The following CCDC85A variants were observed in gnomAD, a reference collection of about 807,000 sequenced individuals.
The protein encoded by CCDC85A is coiled-coil domain containing 85A.
In CCDC85A, 38 loss-of-function variants were observed where a neutral mutation model predicts 50.2. The observed-to-expected ratio is 0.76, with a 90% CI of 0.58 to 0.99. The LOEUF is 0.99. Ranked by LOEUF, CCDC85A falls within the 50% of genes least tolerant of loss-of-function variation. The pLI, the probability that CCDC85A is intolerant of heterozygous loss-of-function variation, is 0.00. For synonymous variants in CCDC85A, 366 were observed against 301.4 expected (o/e 1.21, Z -2.22); for missense variants, 820 against 742.0 (o/e 1.11, Z -1.22).
At chr2:56,250,168 A>C (rs1205482560) in intron 2 of CCDC85A, among the ~76,000 whole-genome samples, 1 of 152,190 alleles carries the variant, frequency 6.6e-6, no homozygotes, top group Non-Finnish European at 1.5e-5. Context: ...AGCATTTGAA[A>C]ACAAATGTTA....
chr2:56,274,541 C>A (rs1670842187), intron 2 of CCDC85A, among the ~76,000 whole-genome samples: 1 of 152,178 alleles, frequency 6.6e-6, no homozygotes, highest in Non-Finnish European at 1.5e-5. Flanking sequence ...GGGCTTTCAA[C>A]CGATTGGATA....
At chr2:56,268,413 CTGAAA>C (rs1670546360) in intron 2 of CCDC85A, among the ~76,000 whole-genome samples, 1 of 151,906 alleles carries the variant, frequency 6.6e-6, no homozygotes, top group African/African-American at 2.4e-5. Flanking sequence ...GCTAACACGG[CTGAAA>C]CCCTGTCTCT....
At chr2:56,262,825 A>C (rs1670277130) in intron 2 of CCDC85A, among the ~76,000 whole-genome samples, 1 of 152,250 alleles carries the variant, frequency 6.6e-6, no homozygotes, top group Non-Finnish European at 1.5e-5. Context: ...GTTCACATAT[A>C]GAAAATACAA....
At chr2:56,295,142 A>T (rs1573196946) in intron 2 of CCDC85A, among the ~76,000 whole-genome samples, 1 of 149,290 alleles carries the variant, frequency 6.7e-6, no homozygotes, top group Non-Finnish European at 1.5e-5. Flanking sequence ...ATTTTTTTTT[A>T]ATTTTAATGA....
chr2:56,322,350 A>G (rs975466752), intron 2 of CCDC85A, among the ~76,000 whole-genome samples: 13 of 152,232 alleles, frequency 8.5e-5, no homozygotes, highest in Admixed American at 5.9e-4. Flanking sequence ...ATCAGAGTGA[A>G]CAGGCAACCT....
chr2:56,340,112 T>G (rs1243812184), intron 2 of CCDC85A, among the ~76,000 whole-genome samples: 1 of 152,310 alleles, frequency 6.6e-6, no homozygotes, highest in South Asian at 2.1e-4. Context: ...CTGCACACTA[T>G]TTTGGAAAAC....
intron 4 of CCDC85A, among the ~76,000 whole-genome samples, chr2:56,373,529 G>A (rs975347571): frequency 3.3e-5 from 5 of 152,130 alleles, no homozygotes; most frequent in African/African-American, 4.8e-5. Context: ...TGCCCTGAAC[G>A]ATAGAGGCCC....
At chr2:56,373,844 G>C (rs539897316) in intron 4 of CCDC85A, among the ~76,000 whole-genome samples, 9 of 152,242 alleles carry the variant, frequency 5.9e-5, no homozygotes, top group African/African-American at 2.2e-4. Flanking sequence ...AAGAGTAGAG[G>C]ACCAGGGTTA....
At chr2:56,221,890 C>G (rs753037213) in intron 2 of CCDC85A, among the ~76,000 whole-genome samples, 1 of 152,026 alleles carries the variant, frequency 6.6e-6, no homozygotes, top group Non-Finnish European at 1.5e-5. Flanking sequence ...CTGGGAAGTC[C>G]AAGAGCGTGG....
At chr2:56,270,870 A>G (rs1670667622) in intron 2 of CCDC85A, among the ~76,000 whole-genome samples, 1 of 152,210 alleles carries the variant, frequency 6.6e-6, no homozygotes, top group Non-Finnish European at 1.5e-5. Flanking sequence ...ATTTATTACC[A>G]GTTCAAGTCA....
intron 2 of CCDC85A, among the ~76,000 whole-genome samples, chr2:56,207,765 C>A (rs767526047): frequency 5.9e-5 from 9 of 152,088 alleles, no homozygotes; most frequent in Non-Finnish European, 1.0e-4. Flanking sequence ...AATATAAATT[C>A]TTTAAAGGAA....
At chr2:56,219,583 C>A (rs925048724) in intron 2 of CCDC85A, among the ~76,000 whole-genome samples, 1 of 151,778 alleles carries the variant, frequency 6.6e-6, no homozygotes, top group Non-Finnish European at 1.5e-5. Context: ...TTTCCTCTGT[C>A]TAGAATGCCC....
rs754488451 is a variant in CCDC85A at position 56,192,850 on chromosome 2, G to T, written c.650G>T (p.Gly217Val). 1.9e-6 allele frequency: 3 copies of T among 1,613,328 alleles called. No individual in the cohort carries two copies. In the South Asian group the frequency reaches 3.3e-5, roughly 18 times the overall value. ...GACGGCAGCAGCACCTCCAGCACTG[G>T]CAGCACTGACAGCCCGGACCACCAC... is the stretch of plus-strand genomic sequence containing the variant. ...VGDGSSTSST[G>V]STDSPDHHKH... The change falls in exon 2 of 6, where the codon GGC (glycine) becomes GTC (valine). Residue 217 changes from glycine to valine, a missense_variant. Physicochemically the swap from Gly to Val is moderately radical, Grantham distance 109. Coordinates refer to ENST00000407595, the MANE Select transcript of CCDC85A (RefSeq NM_001080433.2). This position sits in a 1 kb window ranked among gnomAD's most constrained non-coding sequence, Gnocchi z 4.7.
chr2:56,242,676 G>A (rs1669315683), intron 2 of CCDC85A, among the ~76,000 whole-genome samples: 1 of 152,064 alleles, frequency 6.6e-6, no homozygotes. Context: ...ACTATATCGG[G>A]TAGGTAGTTT....
chr2:56,313,057 A>C (rs1672766275), intron 2 of CCDC85A, among the ~76,000 whole-genome samples: 1 of 152,182 alleles, frequency 6.6e-6, no homozygotes, highest in South Asian at 2.1e-4. Context: ...TAGATGATGC[A>C]TTAGATGAAC....
intron 2 of CCDC85A, among the ~76,000 whole-genome samples, chr2:56,245,866 A>T (rs1669483740): frequency 6.6e-6 from 1 of 152,178 alleles, no homozygotes; most frequent in African/African-American, 2.4e-5. Context: ...ACCAGACCAA[A>T]TGCCATCTCC....
At chr2:56,210,721 A>G (rs1054680142) in intron 2 of CCDC85A, among the ~76,000 whole-genome samples, 1 of 151,964 alleles carries the variant, frequency 6.6e-6, no homozygotes, top group Non-Finnish European at 1.5e-5. Context: ...GTCTTCTGCA[A>G]CATGGTGCCT....
At chr2:56,369,852 C>CTATT (rs1485428019) in intron 3 of CCDC85A, among the ~76,000 whole-genome samples, 1 of 152,078 alleles carries the variant, frequency 6.6e-6, no homozygotes, top group Non-Finnish European at 1.5e-5. Context: ...AAACCCTACA[C>CTATT]TATTACCTCT....
At chr2:56,344,839 A>T (rs1394508322) in intron 3 of CCDC85A, among the ~76,000 whole-genome samples, 1 of 152,152 alleles carries the variant, frequency 6.6e-6, no homozygotes, top group East Asian at 1.9e-4. Flanking sequence ...ATAGAAAAAA[A>T]ATCCAAGTGA....
Sources: gnomAD v4.1 joint callset for allele counts (sites outside exome capture counted in the v4.1 genomes callset) on GRCh38, gnomAD v4.1.1 for gene constraint, Gnocchi (gnomAD v3.1) non-coding constraint, MANE v1.5 for transcripts, NCBI Gene and HGNC (gene_info 2026-07-23, HGNC 2026-07-21) for gene names.